The following ACOX3 variants were observed in gnomAD, a reference collection of about 807,000 sequenced individuals.
The protein encoded by ACOX3 is acyl-CoA oxidase 3, pristanoyl.
In ACOX3, 73 loss-of-function variants were observed where a neutral mutation model predicts 81.5. That is an observed-to-expected ratio of 0.90 (90% CI 0.74 to 1.09). ACOX3 has a LOEUF of 1.09. Among genes scored for constraint, ACOX3 ranks in the 50% least tolerant of loss-of-function variants. ACOX3 has a pLI of 0.00. For synonymous variants in ACOX3, 387 were observed against 375.1 expected (o/e 1.03, Z -0.37); for missense variants, 947 against 928.0 (o/e 1.02, Z -0.27).
chr4:8,364,873 C>T (rs770668720), downstream of ACOX3, among the ~76,000 whole-genome samples: 6 of 152,186 alleles, frequency 3.9e-5, no homozygotes, highest in Admixed American at 6.5e-5. The surrounding 1 kb of genome is among the most constrained non-coding windows in gnomAD (Gnocchi z 5.0). Context: ...ACTTGGGAGA[C>T]AAGGACAGCT....
rs1406634202 is a variant in ACOX3 at position 8,386,513 on chromosome 4, C to T, written c.1537+2660G>A. On this transcript the variant is annotated intron_variant, in intron 13 of 17. Transcript: ENST00000356406. The surrounding 1 kb of genome is among the most constrained non-coding windows in gnomAD (Gnocchi z 5.2). Reference sequence around the variant, plus strand: ...CCTGGGAGGTGGAGCTTGCAGTGAGCCGAGATCATACCACTGCACTCCAGC... The same window carrying T: ...CCTGGGAGGTGGAGCTTGCAGTGAGTCGAGATCATACCACTGCACTCCAGC... 2.0e-5 allele frequency among the ~76,000 whole-genome samples: 3 copies of T among 151,136 alleles called. No individual in the cohort carries two copies. Among genetic ancestry groups the T allele is most frequent in the East Asian group, 3.9e-4 (2 of 5,118 alleles).
At chr4:8,356,640 A>G in the ACOX3 span, 1 of 455,924 alleles carries the variant, frequency 2.2e-6, no homozygotes, top group East Asian at 7.0e-5. Context: ...AGAGGAAGAA[A>G]GTGTGCAGAA....
At position 8,419,662 on chromosome 4, in the gene ACOX3, A is replaced by G. The variant is rs1300929596; in HGVS notation, c.-14-3127T>C. ...GAGAACCGAAAACATCACGTCCTCAATGTGTGCAAGGCTCCCCGATTCACA... is the reference window on the plus strand; with the variant it reads ...GAGAACCGAAAACATCACGTCCTCAGTGTGTGCAAGGCTCCCCGATTCACA... On this transcript the variant is annotated intron_variant, in intron 1 of 17. Coordinates refer to ENST00000356406, the MANE Select transcript of ACOX3 (RefSeq NM_003501.3). The surrounding 1 kb of genome is among the most constrained non-coding windows in gnomAD (Gnocchi z 4.2). 6.6e-6 allele frequency among the ~76,000 whole-genome samples: 1 copy of G among 152,044 alleles called. No individual in the cohort carries two copies. Among genetic ancestry groups the G allele is most frequent in the African/African-American group, 2.4e-5 (1 of 41,388 alleles).
At chr4:8,415,518 A>G (rs906841226) in intron 3 of ACOX3, among the ~76,000 whole-genome samples, 1 of 151,424 alleles carries the variant, frequency 6.6e-6, no homozygotes, top group Non-Finnish European at 1.5e-5. Flanking sequence ...ACCACATTGT[A>G]TTTTATTCAA....
rs1578846879 is a variant in ACOX3 at position 8,370,166 on chromosome 4, G to A, written c.1983+742C>T. On this transcript the variant is annotated intron_variant, in intron 17 of 17. Transcript: ENST00000356406. The surrounding 1 kb of genome is among the most constrained non-coding windows in gnomAD (Gnocchi z 6.3). ...GAATGGAAGGCACTCCAGGCAGCCC[G>A]AGCAGCAGGCACAAGGCCCTGGGGT... is the stretch of plus-strand genomic sequence containing the variant. Among the ~76,000 whole-genome samples the A allele has an allele frequency of 1.3e-5, 2 of 152,224 alleles. No individual in the cohort carries two copies. Among genetic ancestry groups the A allele is most frequent in the Non-Finnish European group, 2.9e-5 (2 of 68,034 alleles).
In ACOX3 at chr4:8,416,066, T is replaced by C. The variant is rs2108984858; in HGVS notation, c.145-67A>G. ...GATGGACTCTCCATGTGCCCTTATA[T>C]AGTTGACCTCCAGGCCACAGGCTTC... On this transcript the variant is annotated intron_variant, in intron 2 of 17. Coordinates refer to ENST00000356406, the MANE Select transcript of ACOX3 (RefSeq NM_003501.3). The surrounding 1 kb of genome is among the most constrained non-coding windows in gnomAD (Gnocchi z 4.2). 6.7e-7 allele frequency: 1 copy of C among 1,492,358 alleles called. No homozygotes were observed. The highest frequency in any genetic ancestry group is 9.3e-7 in the Non-Finnish European group (1 of 1,077,304). The allele number at this position is 1,492,358 out of a possible 1,614,324, so 92.4% of individuals were successfully genotyped here.
rs1418379229 is a variant in ACOX3 at position 8,406,914 on chromosome 4, T to A, written c.688-871A>T. Among the ~76,000 whole-genome samples the A allele has an allele frequency of 6.6e-6, 1 of 152,122 alleles. No homozygotes were observed. The highest frequency in any genetic ancestry group is 1.9e-4 in the East Asian group (1 of 5,186). On this transcript the variant is annotated intron_variant, in intron 6 of 17. Transcript: ENST00000356406. This position sits in a 1 kb window ranked among gnomAD's most constrained non-coding sequence, Gnocchi z 5.6. ...TAACTGCGGGCAAGCCTGACAAATG[T>A]CAGGCCCTCTACAAGAGGTGGAGGA...
intron 13 of ACOX3, among the ~76,000 whole-genome samples, chr4:8,388,719 C>A (rs550387184): frequency 6.6e-6 from 1 of 152,240 alleles, no homozygotes; most frequent in African/African-American, 2.4e-5. Flanking sequence ...GAAGGAGGTG[C>A]GGGAGGTGCG....
intron 1 of ACOX3, chr4:8,439,062 TTAAGAC>T (rs1158351540): frequency 9.8e-5 from 15 of 152,384 alleles, no homozygotes; most frequent in Admixed American, 1.3e-4. Context: ...GTTAAAAATC[TTAAGAC>T]TAATAGTTTT....
At chr4:8,395,774 C>G (rs2108884521) in intron 9 of ACOX3, among the ~76,000 whole-genome samples, 1 of 152,346 alleles carries the variant, frequency 6.6e-6, no homozygotes, top group Non-Finnish European at 1.5e-5. Flanking sequence ...GGGTGCCACA[C>G]AGGCATGAAT....
At chr4:8,363,552 G>T (rs1578835306), downstream of ACOX3, among the ~76,000 whole-genome samples, 5 of 152,230 alleles carry the variant, frequency 3.3e-5, no homozygotes, top group South Asian at 1.0e-3. Flanking sequence ...TAGGATTAAA[G>T]GTTGTCTTAT....
chr4:8,434,437 C>G (rs1380371516), intron 1 of ACOX3, among the ~76,000 whole-genome samples: 1 of 152,232 alleles, frequency 6.6e-6, no homozygotes, highest in Non-Finnish European at 1.5e-5. Context: ...AAGCCAGCCC[C>G]TTAGGCAGCT....
chr4:8,413,823 G>A (rs1159821750), intron 5 of ACOX3, among the ~76,000 whole-genome samples: 1 of 152,272 alleles, frequency 6.6e-6, no homozygotes, highest in Non-Finnish European at 1.5e-5. Context: ...AGGATGGCAA[G>A]GACCCGAGGA....
rs1723981104 is a variant in ACOX3 at position 8,431,914 on chromosome 4, T to C, written c.-15+8734A>G. 1.3e-5 allele frequency among the ~76,000 whole-genome samples: 2 copies of C among 152,230 alleles called. No homozygotes were observed. The highest frequency in any genetic ancestry group is 2.9e-5 in the Non-Finnish European group (2 of 68,032). ...AAGTTGCCTCCCACCCTCCGGTCAT[T>C]TGTCTCCATTTATCCCTTCTGTCTT... On this transcript the variant is annotated intron_variant, in intron 1 of 17. Transcript: ENST00000356406. This position sits in a 1 kb window ranked among gnomAD's most constrained non-coding sequence, Gnocchi z 5.3.
chr4:8,374,631 T>C (rs1716686478), intron 15 of ACOX3: 1 of 223,512 alleles, frequency 4.5e-6, no homozygotes, highest in Non-Finnish European at 8.7e-6. Flanking sequence ...TTCCCAAGTC[T>C]AGGCACTCCT....
Position 8,406,160 on chromosome 4 carries a change from G to A in ACOX3, c.688-117C>T, listed in dbSNP as rs1461238151. 4.4e-6 allele frequency: 4 copies of A among 915,024 alleles called. No individual in the cohort carries two copies. Among genetic ancestry groups the A allele is most frequent in the Non-Finnish European group, 7.0e-6 (4 of 568,962 alleles). 56.7% of individuals were successfully genotyped at this position (915,024 alleles called of 1,614,324 possible). A position where few individuals can be genotyped will look rare whatever the true frequency, so the allele number is the denominator to read the frequency against. ...TGGGCTCAACGCTGGGCGGCTGTGGGTTAAACCATCCTCCAGAAATGATAC... is the reference window on the plus strand; with the variant it reads ...TGGGCTCAACGCTGGGCGGCTGTGGATTAAACCATCCTCCAGAAATGATAC... On this transcript the variant is annotated intron_variant, in intron 6 of 17. Transcript: ENST00000356406. This position sits in a 1 kb window ranked among gnomAD's most constrained non-coding sequence, Gnocchi z 5.6.
chr4:8,398,489 C>T (rs1368899462), intron 8 of ACOX3, among the ~76,000 whole-genome samples: 2 of 152,066 alleles, frequency 1.3e-5, no homozygotes, highest in Non-Finnish European at 2.9e-5. Context: ...TTCTTTCTTT[C>T]CTTCTCTTTT....
At chr4:8,440,255 C>T (rs1380776304) in intron 1 of ACOX3, among the ~76,000 whole-genome samples, 2 of 152,212 alleles carry the variant, frequency 1.3e-5, no homozygotes, top group East Asian at 1.9e-4. Flanking sequence ...TGCCGATGCT[C>T]CCGGCCGAAT....
chr4:8,358,626 G>A, the ACOX3 span, among the ~76,000 whole-genome samples: 17 of 152,170 alleles, frequency 1.1e-4, no homozygotes, highest in African/African-American at 4.1e-4. Flanking sequence ...GATAAAACAG[G>A]CTGCAATAAG....
Sources: allele counts gnomAD v4.1 joint callset (sites outside exome capture counted in the v4.1 genomes callset), GRCh38; gene constraint gnomAD v4.1.1; non-coding constraint Gnocchi (gnomAD v3.1); transcripts MANE v1.5; gene names NCBI Gene and HGNC (gene_info 2026-07-23, HGNC 2026-07-21).